Variants in GNAQ observed in about 807,000 individuals in gnomAD.
The protein encoded by GNAQ is G protein subunit alpha q.
A neutral mutation model predicts 43.9 loss-of-function variants in GNAQ; 8 were observed. That is an observed-to-expected ratio of 0.18 (90% CI 0.11 to 0.33). The LOEUF (loss-of-function observed/expected upper bound fraction) is 0.33. Among genes scored for constraint, GNAQ ranks in the 10% least tolerant of loss-of-function variants. The pLI, the probability that GNAQ is intolerant of heterozygous loss-of-function variation, is 1.00. For synonymous variants in GNAQ, 155 were observed against 170.7 expected (o/e 0.91, Z 0.71); for missense variants, 158 against 450.8 (o/e 0.35, Z 5.88).
intron 2 of GNAQ, among the ~76,000 whole-genome samples, chr9:77,820,457 C>T (rs1048797928): frequency 6.6e-6 from 1 of 152,218 alleles, no homozygotes; most frequent in Non-Finnish European, 1.5e-5. Flanking sequence ...TCATACTGAA[C>T]TGCTGCTGGC....
At chr9:77,877,504 C>G (rs1295848482) in intron 2 of GNAQ, among the ~76,000 whole-genome samples, 1 of 152,094 alleles carries the variant, frequency 6.6e-6, no homozygotes, top group Admixed American at 6.5e-5. Context: ...TTTATTGAGA[C>G]TCCTGTATTA....
rs963122126 is a variant in GNAQ at position 77,931,578 on chromosome 9, G to A, written c.137-9233C>T. Among the ~76,000 whole-genome samples, 15 of 151,350 alleles carry A rather than the reference G, an allele frequency of 9.9e-5. 1 individual carries two copies. The highest frequency in any genetic ancestry group is 1.7e-4 in the African/African-American group (7 of 41,166). On this transcript the variant is annotated intron_variant, in intron 1 of 6. Coordinates refer to ENST00000286548, the MANE Select transcript of GNAQ (RefSeq NM_002072.5). ...TGCACTCCAGCCTGGGTGACAGAGC[G>A]AGTGAGACTCTGTCTCAAAAAAAAA...
At chr9:77,885,038 G>C (rs1828280141) in intron 2 of GNAQ, among the ~76,000 whole-genome samples, 1 of 152,162 alleles carries the variant, frequency 6.6e-6, no homozygotes, top group African/African-American at 2.4e-5. Context: ...CAGATTCCTG[G>C]CCTATACCAA....
intron 5 of GNAQ, among the ~76,000 whole-genome samples, chr9:77,739,763 T>C (rs1213937979): frequency 6.6e-6 from 1 of 152,232 alleles, no homozygotes; most frequent in African/African-American, 2.4e-5. Flanking sequence ...GCTTCCTTTA[T>C]TGCACTTGTC....
chr9:77,867,689 T>A (rs1827969609), intron 2 of GNAQ, among the ~76,000 whole-genome samples: 1 of 152,178 alleles, frequency 6.6e-6, no homozygotes, highest in Non-Finnish European at 1.5e-5. Flanking sequence ...TAACTGTGTA[T>A]GGAAGCATCA....
intron 6 of GNAQ, among the ~76,000 whole-genome samples, chr9:77,722,064 G>GTAT (rs1415665654): frequency 6.6e-6 from 1 of 151,848 alleles, no homozygotes; most frequent in Non-Finnish European, 1.5e-5. Context: ...TAGATTTCTG[G>GTAT]TATTTCTGAG....
Position 77,815,584 on chromosome 9 carries a change from A to G in GNAQ, c.476+32T>C, listed in dbSNP as rs376610597. ...AACCTCCACATGGAAGTAAAGAGAA[A>G]AATCCATAGGGCCACCTGGAAAGAT... On this transcript the variant is annotated intron_variant, in intron 3 of 6. Coordinates refer to ENST00000286548, the MANE Select transcript of GNAQ (RefSeq NM_002072.5). 8.7e-6 allele frequency: 13 copies of G among 1,499,540 alleles called. No homozygotes were observed. In the African/African-American group the frequency reaches 1.8e-4, roughly 21 times the overall value. 92.9% of individuals were successfully genotyped at this position (1,499,540 alleles called of 1,614,324 possible). A position where few individuals can be genotyped will look rare whatever the true frequency, so the allele number is the denominator to read the frequency against.
chr9:77,756,793 G>A (rs1172928102), intron 5 of GNAQ, among the ~76,000 whole-genome samples: 1 of 152,174 alleles, frequency 6.6e-6, no homozygotes, highest in Admixed American at 6.5e-5. Context: ...ATTTCTCCAT[G>A]TTTCTGAACT....
Position 77,877,610 on chromosome 9 carries a change from C to T in GNAQ, c.321+44551G>A, listed in dbSNP as rs80062569. On this transcript the variant is annotated intron_variant, in intron 2 of 6. Coordinates refer to ENST00000286548, the MANE Select transcript of GNAQ (RefSeq NM_002072.5). ...TGAGGAGGAGTGTGAAAACAATTAC[C>T]GTAACCTACTTTAATTACTGACTTT... Among the ~76,000 whole-genome samples, 646 of 152,144 alleles carry T rather than the reference C, an allele frequency of 4.2e-3. 4 individuals carry two copies. The highest frequency in any genetic ancestry group is 0.015 in the African/African-American group (616 of 41,520).
intron 5 of GNAQ, among the ~76,000 whole-genome samples, chr9:77,745,359 G>C (rs1281748647): frequency 2.6e-5 from 4 of 152,058 alleles, no homozygotes; most frequent in African/African-American, 4.8e-5. Flanking sequence ...AAAATCTCCA[G>C]CAGAAAATAC....
At chr9:77,800,119 T>C (rs1416775615) in intron 3 of GNAQ, among the ~76,000 whole-genome samples, 6 of 152,138 alleles carry the variant, frequency 3.9e-5, no homozygotes, top group Non-Finnish European at 8.8e-5. Context: ...TTTTACACTG[T>C]TGGTGGGACT....
chr9:77,757,901 T>A (rs1006586953), intron 5 of GNAQ, among the ~76,000 whole-genome samples: 7 of 152,236 alleles, frequency 4.6e-5, no homozygotes, highest in African/African-American at 1.7e-4. Flanking sequence ...CCCTAACATA[T>A]GAATATCATG....
chr9:77,793,769 A>G (rs921656857), intron 5 of GNAQ, among the ~76,000 whole-genome samples: 10 of 152,118 alleles, frequency 6.6e-5, no homozygotes, highest in African/African-American at 2.4e-4. Flanking sequence ...AATATATTCC[A>G]TAATCGATTC....
chr9:77,910,797 G>A (rs1385422579), intron 2 of GNAQ, among the ~76,000 whole-genome samples: 3 of 152,108 alleles, frequency 2.0e-5, no homozygotes, highest in African/African-American at 7.2e-5. Context: ...TGTGAACTAG[G>A]CATTAGAATC....
At chr9:77,892,038 TTTTG>T (rs1032123443) in intron 2 of GNAQ, among the ~76,000 whole-genome samples, 105 of 152,172 alleles carry the variant, frequency 6.9e-4, no homozygotes, top group African/African-American at 2.3e-3. Context: ...CAGATTGTTT[TTTTG>T]TTTGTTTGTT....
intron 1 of GNAQ, among the ~76,000 whole-genome samples, chr9:77,934,181 C>T (rs560310096): frequency 2.0e-5 from 3 of 150,226 alleles, no homozygotes; most frequent in African/African-American, 7.3e-5. Flanking sequence ...AGACAACGAT[C>T]CGCACATAGC....
chr9:77,963,691 C>T (rs1156936982), intron 1 of GNAQ, among the ~76,000 whole-genome samples: 1 of 152,168 alleles, frequency 6.6e-6, no homozygotes, highest in Non-Finnish European at 1.5e-5. Context: ...AGAACACCAA[C>T]ACCTGCTTAT....
chr9:77,816,630 C>A (rs1242904587), intron 2 of GNAQ, among the ~76,000 whole-genome samples: 1 of 152,002 alleles, frequency 6.6e-6, no homozygotes, highest in Non-Finnish European at 1.5e-5. Context: ...TATACACACA[C>A]AAAGTATATA....
intron 2 of GNAQ, among the ~76,000 whole-genome samples, chr9:77,914,314 A>G (rs1828859675): frequency 6.6e-6 from 1 of 152,192 alleles, no homozygotes; most frequent in African/African-American, 2.4e-5. Context: ...TTAGAAAAAG[A>G]GGTGGCTGAC....
Sources: allele counts gnomAD v4.1 joint callset (sites outside exome capture counted in the v4.1 genomes callset), GRCh38; gene constraint gnomAD v4.1.1; transcripts MANE v1.5; gene names NCBI Gene and HGNC (gene_info 2026-07-23, HGNC 2026-07-21).